FLNB: variants seen among roughly 807,000 people sequenced by gnomAD.
FLNB encodes filamin-B.
FLNB carries 111 observed loss-of-function variants against 250.6 expected under a neutral mutation model. The ratio of observed to expected loss-of-function variants is 0.44; its 90% CI spans 0.38 to 0.52. The LOEUF (loss-of-function observed/expected upper bound fraction) is 0.52. Ranked by LOEUF, FLNB falls within the 20% of genes least tolerant of loss-of-function variation. The pLI is 0.00. For missense variants in FLNB, 2,869 were observed against 3,447.8 expected (o/e 0.83, Z 4.20); for synonymous variants, 1,302 against 1,372.1 (o/e 0.95, Z 1.13).
In FLNB at chr3:58,008,812, C is replaced by T; in HGVS notation, c.248C>T (p.Ala83Val). ...ATGCAGCTCGAGAATGTGTCCGTGG[C>T]GCTCGAGTTCCTGGACCGTGAGAGC... Reference protein sequence around the residue: ...RQMQLENVSVALEFLDRESIK... With the variant: ...RQMQLENVSVVLEFLDRESIK... Residue 83 changes from alanine to valine, a missense_variant, in exon 1 of 46, where the codon GCG becomes GTG. Coordinates refer to ENST00000295956, the MANE Select transcript of FLNB (RefSeq NM_001457.4). 2 of 1,613,920 alleles carry T rather than the reference C, an allele frequency of 1.2e-6. No individual in the cohort carries two copies. The highest frequency in any genetic ancestry group is 1.7e-6 in the Non-Finnish European group (2 of 1,179,942).
rs1559688204 is a variant in FLNB at position 58,094,912 on chromosome 3, C to CT, written c.864_865insT (p.Val289CysfsTer6). The CT allele has an allele frequency of 6.2e-7, 1 of 1,614,106 alleles. No individual in the cohort carries two copies. Among genetic ancestry groups the CT allele is most frequent in the Non-Finnish European group, 8.5e-7 (1 of 1,180,016 alleles). ...ACACCATCAGCGCCGGGCAAGGAGA[C>CT]GTGATGGTGTTTGTTGAGGACCCAG... On this transcript the variant is annotated frameshift_variant, in exon 5 of 46. Coordinates refer to ENST00000295956, the MANE Select transcript of FLNB (RefSeq NM_001457.4). LOFTEE classifies it high-confidence loss of function.
chr3:58,150,316 C>CCA (rs2097342805), intron 38 of FLNB, 89 bp downstream of exon 38: 19 of 1,462,978 alleles, frequency 1.3e-5, no homozygotes, highest in Non-Finnish European at 1.6e-5. Context: ...TAGGCATGGC[C>CCA]CAGAACACAG....
chr3:58,166,469 C>G (rs995436355), intron 43 of FLNB, among the ~76,000 whole-genome samples: 57 of 152,098 alleles, frequency 3.7e-4, no homozygotes, highest in Non-Finnish European at 6.9e-4. Flanking sequence ...AATGAAACAG[C>G]TTGTTAAAAA....
At chr3:58,098,977 C>A in intron 8 of FLNB, 69 bp downstream of exon 8, 1 of 1,387,114 alleles carries the variant, frequency 7.2e-7, no homozygotes, top group Non-Finnish European at 1.0e-6. Flanking sequence ...GGCAGGGAGG[C>A]CAGGAAAACA....
chr3:58,170,418 GGCTCTATGAGCCTCT>G, intron 45 of FLNB, 142 bp from the exon 46 acceptor site: 1 of 692,440 alleles, frequency 1.4e-6, no homozygotes, highest in Non-Finnish European at 2.6e-6. Context: ...CACACCGTCA[GGCTCTATGAGCCTCT>G]GCTTGTAATT....
At chr3:58,008,945 G>C (rs1188939801) in intron 1 of FLNB, 89 bp downstream of exon 1, 6 of 1,514,422 alleles carry the variant, frequency 4.0e-6, no homozygotes, top group Admixed American at 1.7e-5. Flanking sequence ...ATTTCCCGCA[G>C]CGCGCCCCCA....
At chr3:58,076,920 A>T in intron 1 of FLNB, 126 bp from the exon 2 acceptor site, 1 of 1,146,474 alleles carries the variant, frequency 8.7e-7, no homozygotes, top group Non-Finnish European at 1.3e-6. Context: ...GCATTACATC[A>T]TTTCACTCTT....
chr3:58,103,110 C>T (rs9837918), intron 9 of FLNB, among the ~76,000 whole-genome samples: 11,825 of 152,196 alleles, frequency 0.078, 526 homozygotes, highest in Middle Eastern at 0.099. Context: ...CAGGAGCATT[C>T]TGAGCTCCAG....
chr3:58,121,437 C>T lies in FLNB; in HGVS notation c.3060C>T (p.Tyr1020=), dbSNP rs201490778. The T allele has an allele frequency of 8.2e-5, 133 of 1,613,986 alleles. No individual in the cohort carries two copies. Among genetic ancestry groups the T allele is most frequent in the Admixed American group, 1.8e-4 (11 of 60,002 alleles). Residue 1020 remains tyrosine (Y), a synonymous_variant, in exon 20 of 46, where the codon TAC becomes TAT. Transcript: ENST00000295956. ...EEGLYAVDVT[Y]DGHPVPGSPY... ...GGCTGTATGCTGTAGACGTGACCTA[C>T]GATGGACACCCTGTGCCCGGGAGCC...
intron 1 of FLNB, among the ~76,000 whole-genome samples, chr3:58,022,821 T>G (rs2097115926): frequency 6.6e-6 from 1 of 151,956 alleles, no homozygotes; most frequent in African/African-American, 2.4e-5. Context: ...GAAATTTGCT[T>G]CTTTTTTTTT....
At chr3:58,048,087 A>G (rs1232321879) in intron 1 of FLNB, among the ~76,000 whole-genome samples, 3 of 152,112 alleles carry the variant, frequency 2.0e-5, no homozygotes, top group African/African-American at 7.2e-5. Context: ...AATGCTCCCA[A>G]GTGTCCTTTA....
chr3:58,095,395 A>G (rs903400077), intron 5 of FLNB, among the ~76,000 whole-genome samples: 2 of 152,148 alleles, frequency 1.3e-5, no homozygotes, highest in Admixed American at 1.3e-4. Flanking sequence ...AACTGGGATT[A>G]CAGGGACCTG....
chr3:58,155,888 C>A, intron 40 of FLNB, 72 bp from the exon 41 acceptor site: 1 of 1,059,980 alleles, frequency 9.4e-7, no homozygotes, highest in Non-Finnish European at 1.5e-6. Context: ...GGCATTTTAG[C>A]CCTTGGTGAG....
In FLNB at chr3:58,028,135, A is replaced by G. The variant is rs142961956; in HGVS notation, c.292+19279A>G. ...GTGTGACCAAGAGCTCAGAGTAGTA[A>G]TGTATAGATGCTTTGTTTGGATACT... On this transcript the variant is annotated intron_variant, in intron 1 of 45. Coordinates refer to ENST00000295956, the MANE Select transcript of FLNB (RefSeq NM_001457.4). 4.4e-3 allele frequency among the ~76,000 whole-genome samples: 674 copies of G among 152,276 alleles called. 7 individuals are homozygous for G. Among genetic ancestry groups the G allele is most frequent in the African/African-American group, 0.015 (644 of 41,550 alleles).
At chr3:58,124,597 C>G in intron 22 of FLNB, 92 bp downstream of exon 22, 6 of 1,363,092 alleles carry the variant, frequency 4.4e-6, no homozygotes, top group Non-Finnish European at 6.2e-6. Context: ...GCCCCATGTG[C>G]TAGGCCTGTC....
Position 58,142,019 on chromosome 3 carries a change from G to T in FLNB, c.5181+90G>T, listed in dbSNP as rs2097327970. 2 of 1,102,852 alleles carry T rather than the reference G, an allele frequency of 1.8e-6. No individual in the cohort carries two copies. Among genetic ancestry groups the T allele is most frequent in the Non-Finnish European group, 2.8e-6 (2 of 717,100 alleles). 68.3% of individuals were successfully genotyped at this position (1,102,852 alleles called of 1,614,324 possible). A position where few individuals can be genotyped will look rare whatever the true frequency, so the allele number is the denominator to read the frequency against. On this transcript the variant is annotated intron_variant, in intron 30 of 45. Transcript: ENST00000295956. This position sits in a 1 kb window ranked among gnomAD's most constrained non-coding sequence, Gnocchi z 4.3. ...GCCATCTGCTTCTGGGATTGCTTAA[G>T]CCCTGTGGGTGTCCTGGTCATTGGT...
At chr3:58,032,714 A>T (rs1001865821) in intron 1 of FLNB, among the ~76,000 whole-genome samples, 5 of 152,146 alleles carry the variant, frequency 3.3e-5, no homozygotes, top group African/African-American at 4.8e-5. Flanking sequence ...ATCTAGTGGG[A>T]TGTGGTCTGG....
chr3:58,146,592 G>A (rs939806201), intron 33 of FLNB: 2 of 550,016 alleles, frequency 3.6e-6, no homozygotes, highest in Admixed American at 3.0e-5. Context: ...AGAGCTCCAG[G>A]GTTACTTGCA....
intron 41 of FLNB, 39 bp from the exon 42 acceptor site, chr3:58,159,515 G>A (rs776102484): frequency 3.7e-6 from 6 of 1,612,326 alleles, no homozygotes; most frequent in Middle Eastern, 1.6e-4. Flanking sequence ...GAGCAGGAAC[G>A]CCGAGGGCCA....
Sources: allele counts gnomAD v4.1 joint callset (sites outside exome capture counted in the v4.1 genomes callset), GRCh38; gene constraint gnomAD v4.1.1; non-coding constraint Gnocchi (gnomAD v3.1); transcripts MANE v1.5; gene names NCBI Gene and HGNC (gene_info 2026-07-23, HGNC 2026-07-21).